The following GRSF1 variants were observed in gnomAD, a reference collection of about 807,000 sequenced individuals.
GRSF1 encodes the protein G-rich RNA sequence binding factor 1.
In GRSF1, 50 loss-of-function variants were observed where a neutral mutation model predicts 51.1. The ratio of observed to expected loss-of-function variants is 0.98; its 90% CI spans 0.78 to 1.24. The LOEUF (loss-of-function observed/expected upper bound fraction) is 1.24, where lower values mean the gene tolerates loss of function less well. Among genes scored for constraint, GRSF1 ranks in the 50% most tolerant of loss-of-function variants. The pLI is 0.00. For synonymous variants in GRSF1, 293 were observed against 253.3 expected (o/e 1.16, Z -1.49); for missense variants, 700 against 639.7 (o/e 1.09, Z -1.02).
At chr4:70,828,131 A>G in intron 5 of GRSF1, 95 bp from the exon 6 acceptor site, 1 of 862,856 alleles carries the variant, frequency 1.2e-6, no homozygotes, top group Middle Eastern at 3.3e-4. Context: ...TATTTCCAAC[A>G]GCTTATGAAA....
chr4:70,824,901 G>A (rs1305504865), intron 8 of GRSF1, among the ~76,000 whole-genome samples: 1 of 151,890 alleles, frequency 6.6e-6, no homozygotes, highest in Non-Finnish European at 1.5e-5. Flanking sequence ...CCAGGAGTTC[G>A]AGACCAGCCT....
rs529302967 is a variant in GRSF1, at chr4:70,833,298, T to C, written c.515-25A>G. ...TCTAAAAGTGTATGAGCAAAATCAA[T>C]TGAAAACAGAAATCAAACTTTTAGC... On this transcript the variant is annotated intron_variant, in intron 2 of 9. Coordinates refer to ENST00000254799, the MANE Select transcript of GRSF1 (RefSeq NM_002092.4). 2.4e-5 allele frequency: 38 copies of C among 1,603,522 alleles called. No individual in the cohort carries two copies. Among genetic ancestry groups the C allele is most frequent in the Middle Eastern group, 3.3e-4 (2 of 6,022 alleles).
chr4:70,832,180 A>G, intron 4 of GRSF1, 127 bp downstream of exon 4: 1 of 553,618 alleles, frequency 1.8e-6, no homozygotes, highest in East Asian at 3.0e-5. Flanking sequence ...TTAAGTGAAG[A>G]GCTCTCCCCT....
chr4:70,833,656 C>T (rs1413137964), intron 2 of GRSF1, among the ~76,000 whole-genome samples: 1 of 152,102 alleles, frequency 6.6e-6, no homozygotes, highest in Non-Finnish European at 1.5e-5. Flanking sequence ...TAAAATATTT[C>T]CTGTATGAGT....
rs1486961596 is a variant in GRSF1, at chr4:70,827,836, A to G, written c.1135+16T>C. ...AAGATAGACCCAATGAGTCTCAAGAAGAGGCAGGACCTTACCTATTTCCTT... is the reference window on the plus strand; with the variant it reads ...AAGATAGACCCAATGAGTCTCAAGAGGAGGCAGGACCTTACCTATTTCCTT... On this transcript the variant is annotated intron_variant, in intron 6 of 9. Coordinates refer to ENST00000254799, the MANE Select transcript of GRSF1 (RefSeq NM_002092.4). 1 of 1,568,100 alleles carries G rather than the reference A, an allele frequency of 6.4e-7. No homozygotes were observed. Among genetic ancestry groups the G allele is most frequent in the East Asian group, 2.2e-5 (1 of 44,568 alleles).
chr4:70,828,012 T>C lies in GRSF1; in HGVS notation c.975A>G (p.Arg325=). The C allele has an allele frequency of 1.2e-6, 2 of 1,613,470 alleles. No homozygotes were observed. Among genetic ancestry groups the C allele is most frequent in the South Asian group, 2.2e-5 (2 of 90,982 alleles). The change falls in exon 6 of 10, where the codon AGA becomes AGG. Residue 325 remains arginine (R), a synonymous_variant. Coordinates refer to ENST00000254799, the MANE Select transcript of GRSF1 (RefSeq NM_002092.4). ...CGACATGTGTTCGAACTTCATTCCT[T>C]CTGCTTGGAAATATCTCGATGTATC... ...GNRYIEIFPS[R]RNEVRTHVGS... is the part of the protein sequence containing the mutation.
At chr4:70,840,741 C>T (rs1456061789), upstream of GRSF1, among the ~76,000 whole-genome samples, 3 of 152,052 alleles carry the variant, frequency 2.0e-5, no homozygotes, top group South Asian at 2.1e-4. Flanking sequence ...GCAGCCTGGG[C>T]GACAGAGTGA....
chr4:70,841,783 G>C, upstream of GRSF1, among the ~76,000 whole-genome samples: 1 of 152,142 alleles, frequency 6.6e-6, no homozygotes, highest in East Asian at 1.9e-4. Context: ...GATAGGCTTG[G>C]CTCTATGAAC....
rs187871245 is a variant in GRSF1, at chr4:70,820,703, C to A, written c.*184G>T. On this transcript the variant is annotated 3_prime_UTR_variant, in exon 10 of 10. Transcript: ENST00000254799. ...TTTATTTCATAATCCCAAACTGGAT[C>A]TTTCATTTCTTCTTCTAAACAGTCC... 1 of 152,700 alleles carries A rather than the reference C, an allele frequency of 6.5e-6. No individual in the cohort carries two copies. The highest frequency in any genetic ancestry group is 2.4e-5 in the African/African-American group (1 of 41,562). The allele number at this position is 152,700 out of a possible 1,614,324, so 9.5% of individuals were successfully genotyped here.
At chr4:70,841,303 A>G (rs1275563955), upstream of GRSF1, among the ~76,000 whole-genome samples, 5 of 152,128 alleles carry the variant, frequency 3.3e-5, no homozygotes, top group African/African-American at 1.2e-4. Context: ...AAAAGAAAAC[A>G]TATATATTTA....
chr4:70,824,137 A>AT (rs1733639665), intron 9 of GRSF1, among the ~76,000 whole-genome samples, 157 bp downstream of exon 9: 1 of 151,736 alleles, frequency 6.6e-6, no homozygotes, highest in Non-Finnish European at 1.5e-5. Context: ...TGCTCGGTTA[A>AT]TTTTTGTATT....
chr4:70,837,025 ATAAGT>A (rs777057090), intron 1 of GRSF1, among the ~76,000 whole-genome samples: 2 of 152,206 alleles, frequency 1.3e-5, no homozygotes, highest in Non-Finnish European at 2.9e-5. Context: ...GTAGGCAAAG[ATAAGT>A]TAATACAAGA....
intron 9 of GRSF1, among the ~76,000 whole-genome samples, chr4:70,821,426 A>AAAAT (rs60193165): frequency 0.91 from 136,415 of 150,056 alleles, 63,069 homozygotes; most frequent in East Asian, 1. Flanking sequence ...TCCGTCTCAA[A>AAAAT]AAATAAATAA....
chr4:70,827,201 T>C (rs1733770207), intron 6 of GRSF1, among the ~76,000 whole-genome samples: 1 of 151,136 alleles, frequency 6.6e-6, no homozygotes, highest in Non-Finnish European at 1.5e-5. Flanking sequence ...GGCAGGATGA[T>C]GGCGTGAACC....
At position 70,826,251 on chromosome 4, in the gene GRSF1, A is replaced by G; in HGVS notation, c.1136-6T>C. 5 of 1,596,788 alleles carry G rather than the reference A, an allele frequency of 3.1e-6. No homozygotes were observed. In the Middle Eastern group the frequency reaches 5.0e-4, roughly 159 times the overall value. ...TGGCACCTCCTTAGGCAATTCTGAGAGGTGGAACAGAAAGCACTGTTAAAA... is the reference window on the plus strand; with the variant it reads ...TGGCACCTCCTTAGGCAATTCTGAGGGGTGGAACAGAAAGCACTGTTAAAA... On this transcript the variant is annotated splice_region_variant and splice_polypyrimidine_tract_variant and intron_variant, in intron 6 of 9. Transcript: ENST00000254799.
At position 70,833,108 on chromosome 4, in the gene GRSF1, C is replaced by A; in HGVS notation, c.670+10G>T. ...ATGATCCCAAAAAGCCATAATCTGA[C>A]TTCACATACCTTCCACATACCGCTG... On this transcript the variant is annotated intron_variant, in intron 3 of 9. Coordinates refer to ENST00000254799, the MANE Select transcript of GRSF1 (RefSeq NM_002092.4). The A allele has an allele frequency of 6.2e-7, 1 of 1,610,828 alleles. No homozygotes were observed. The highest frequency in any genetic ancestry group is 8.5e-7 in the Non-Finnish European group (1 of 1,178,848).
chr4:70,841,146 A>G (rs887691322), upstream of GRSF1, among the ~76,000 whole-genome samples: 5 of 152,268 alleles, frequency 3.3e-5, no homozygotes, highest in South Asian at 1.0e-3. Context: ...AAATAAATAA[A>G]GCTGGGTGTG....
At chr4:70,835,449 A>G (rs1734163468) in intron 2 of GRSF1, among the ~76,000 whole-genome samples, 1 of 144,574 alleles carries the variant, frequency 6.9e-6, no homozygotes, top group Non-Finnish European at 1.5e-5. Flanking sequence ...AAACCTACAT[A>G]GTATGATGGA....
intron 5 of GRSF1, among the ~76,000 whole-genome samples, chr4:70,829,026 A>T (rs1376131720): frequency 6.6e-6 from 1 of 151,892 alleles, no homozygotes; most frequent in Admixed American, 6.6e-5. Flanking sequence ...GGCATGAGCC[A>T]CCATGCCCAG....
Sources: allele counts gnomAD v4.1 joint callset (sites outside exome capture counted in the v4.1 genomes callset), GRCh38; gene constraint gnomAD v4.1.1; transcripts MANE v1.5; gene names NCBI Gene and HGNC (gene_info 2026-07-23, HGNC 2026-07-21).